Variants in LIPM observed in about 807,000 individuals in gnomAD.
LIPM encodes the protein lipase member M.
LIPM carries 42 observed loss-of-function variants against 42.4 expected under a neutral mutation model. That is an observed-to-expected ratio of 0.99 (90% CI 0.77 to 1.28). The LOEUF (loss-of-function observed/expected upper bound fraction) is 1.28. Among genes scored for constraint, LIPM ranks in the 50% most tolerant of loss-of-function variants. The pLI is 0.00. For synonymous variants in LIPM, 177 were observed against 173.3 expected, an observed-to-expected ratio of 1.02 and a Z score of -0.17; for missense variants, 524 against 520.1, an observed-to-expected ratio of 1.01 and a Z score of -0.07.
At chr10:88,804,675 A>G (rs1843565380) in intron 1 of LIPM, among the ~76,000 whole-genome samples, 1 of 152,208 alleles carries the variant, frequency 6.6e-6, no homozygotes, top group South Asian at 2.1e-4. Context: ...ATGACAGTTT[A>G]CAAATGTCAT....
At chr10:88,807,937 G>A (rs929373068) in intron 1 of LIPM, among the ~76,000 whole-genome samples, 1 of 152,168 alleles carries the variant, frequency 6.6e-6, no homozygotes, top group African/African-American at 2.4e-5. Flanking sequence ...AAACATTAGG[G>A]TACATCAAAA....
intron 2 of LIPM, 45 bp downstream of exon 2, chr10:88,808,460 A>G (rs1400929505): frequency 9.2e-7 from 1 of 1,092,174 alleles, no homozygotes. Flanking sequence ...TCTTCTCTGC[A>G]GTCACGATTT....
intron 8 of LIPM, among the ~76,000 whole-genome samples, chr10:88,818,561 G>A (rs974051632): frequency 6.6e-6 from 1 of 152,136 alleles, no homozygotes; most frequent in African/African-American, 2.4e-5. Flanking sequence ...GAATTGCACA[G>A]GTATGCCCTT....
intron 2 of LIPM, among the ~76,000 whole-genome samples, chr10:88,812,815 C>G (rs1589315168): frequency 1.3e-5 from 2 of 152,188 alleles, no homozygotes; most frequent in Non-Finnish European, 2.9e-5. Flanking sequence ...TTACACAAAA[C>G]AAAGAACAGA....
intron 1 of LIPM, among the ~76,000 whole-genome samples, chr10:88,805,524 T>C (rs928065839): frequency 6.6e-6 from 1 of 152,200 alleles, no homozygotes; most frequent in Non-Finnish European, 1.5e-5. Context: ...AAGAAGGCAA[T>C]AGTCACCAAT....
In LIPM at chr10:88,802,928, T is replaced by C. The variant is rs369329921; in HGVS notation, c.32T>C (p.Val11Ala). 4.5e-6 allele frequency: 7 copies of C among 1,550,994 alleles called. No homozygotes were observed. In the African/African-American group the frequency reaches 9.6e-5, roughly 21 times the overall value. ...GAAACCTTGTCAAGACAGTGGATTG[T>C]CTCACACAGAATGGAAATGTGGCTT... MLETLSRQWI[V>A]SHRMEMWLLI... The change falls in exon 1 of 9, where the codon GTC (valine) becomes GCC (alanine). Residue 11 changes from valine (V) to alanine (A), a missense_variant. Val to Ala is a moderately conservative substitution (Grantham distance 64, BLOSUM62 0). Coordinates refer to ENST00000404743, the MANE Select transcript of LIPM (RefSeq NM_001128215.1).
chr10:88,813,588 C>T (rs748314599), intron 3 of LIPM, among the ~76,000 whole-genome samples: 6 of 131,122 alleles, frequency 4.6e-5, no homozygotes, highest in East Asian at 2.3e-4. Context: ...TGGGGAGGGG[C>T]GGGTAATAGT....
chr10:88,815,120 G>T lies in LIPM; in HGVS notation c.607G>T (p.Ala203Ser). 1 of 1,550,636 alleles carries T rather than the reference G, an allele frequency of 6.4e-7. No homozygotes were observed. The highest frequency in any genetic ancestry group is 8.7e-7 in the Non-Finnish European group (1 of 1,146,668). The change falls in exon 5 of 9, where the codon GCT (alanine) becomes TCT (serine). Residue 203 changes from alanine (A) to serine (S), a missense_variant. Coordinates refer to ENST00000404743, the MANE Select transcript of LIPM (RefSeq NM_001128215.1). ...TGCATTTTCCACCATGCCAGAGCTG[G>T]CTCAGAAAATCAAAATGTATTTTGC... ...FIAFSTMPEL[A>S]QKIKMYFALA...
Position 88,817,864 on chromosome 10 carries a change from A to T in LIPM, c.970A>T (p.Ser324Cys). The T allele has an allele frequency of 6.4e-7, 1 of 1,551,364 alleles. No individual in the cohort carries two copies. Among genetic ancestry groups the T allele is most frequent in the Non-Finnish European group, 8.7e-7 (1 of 1,146,790 alleles). The change falls in exon 8 of 9, where the codon AGT becomes TGT. Residue 324 changes from serine (S) to cysteine (C), a missense_variant. Physicochemically the swap from Ser to Cys is moderately radical, Grantham distance 112 (BLOSUM62 -1). Transcript: ENST00000404743. ...SGELRAFDWGSETKNLEKCNQ... is the reference protein window; with the variant it reads ...SGELRAFDWGCETKNLEKCNQ... ...TGAACTCCGGGCATTTGACTGGGGG[A>T]GTGAGACCAAAAATCTGGAAAAATG...
intron 6 of LIPM, 117 bp from the exon 7 acceptor site, chr10:88,816,699 C>A: frequency 1.5e-6 from 1 of 658,148 alleles, no homozygotes. Flanking sequence ...TAGATAATTG[C>A]TGATAACTTA....
At chr10:88,816,719 C>T in intron 6 of LIPM, 97 bp from the exon 7 acceptor site, 1 of 735,466 alleles carries the variant, frequency 1.4e-6, no homozygotes, top group Non-Finnish European at 2.4e-6. Context: ...AATAATGTTA[C>T]CATTTCTTAG....
intron 3 of LIPM, 126 bp downstream of exon 3, chr10:88,813,421 C>T: frequency 1.4e-6 from 1 of 725,566 alleles, no homozygotes; most frequent in African/African-American, 1.8e-5. Flanking sequence ...AACATGATAT[C>T]CCCCAGTTTT....
At chr10:88,818,578 A>G (rs1421647340) in intron 8 of LIPM, among the ~76,000 whole-genome samples, 2 of 152,264 alleles carry the variant, frequency 1.3e-5, no homozygotes, top group African/African-American at 4.8e-5. Context: ...CCTTTAGAAC[A>G]TAAAATCTTC....
intron 1 of LIPM, among the ~76,000 whole-genome samples, chr10:88,805,353 G>C (rs552155732): frequency 6.6e-6 from 1 of 152,200 alleles, no homozygotes; most frequent in South Asian, 2.1e-4. Context: ...TGAGAGGGTG[G>C]TAGCAAAAAG....
At chr10:88,819,458 G>C (rs1843760267) in intron 8 of LIPM, among the ~76,000 whole-genome samples, 1 of 152,164 alleles carries the variant, frequency 6.6e-6, no homozygotes, top group African/African-American at 2.4e-5. Flanking sequence ...AGAAACCAGA[G>C]CATCTAGGAT....
rs779151129 is a variant in LIPM at position 88,813,269 on chromosome 10, A to T, written c.438A>T (p.Ile146=). 1.2e-6 allele frequency: 2 copies of T among 1,609,874 alleles called. No individual in the cohort carries two copies. Among genetic ancestry groups the T allele is most frequent in the African/African-American group, 1.3e-5 (1 of 74,764 alleles). Residue 146 remains isoleucine (I), a synonymous_variant, in exon 3 of 9, where the codon ATA becomes ATT. Coordinates refer to ENST00000404743, the MANE Select transcript of LIPM (RefSeq NM_001128215.1). ...AWSRKHKTLS[I]DQDEFWAFSY... is the part of the protein sequence containing the mutation. ...CTCGAAAACACAAGACACTCTCCAT[A>T]GACCAAGATGAGTTCTGGGCTTTCA...
chr10:88,810,155 A>C (rs1564596228), intron 2 of LIPM, among the ~76,000 whole-genome samples: 1 of 152,190 alleles, frequency 6.6e-6, no homozygotes, highest in South Asian at 2.1e-4. Context: ...CCAGTAACTA[A>C]ATGAGTGCTG....
intron 1 of LIPM, among the ~76,000 whole-genome samples, chr10:88,805,615 G>A (rs560131372): frequency 6.6e-6 from 1 of 152,266 alleles, no homozygotes; most frequent in African/African-American, 2.4e-5. Flanking sequence ...AAGAAGAAAT[G>A]TCATGCACAA....
At chr10:88,808,644 C>A (rs557133633) in intron 2 of LIPM, among the ~76,000 whole-genome samples, 1 of 152,294 alleles carries the variant, frequency 6.6e-6, no homozygotes, top group African/African-American at 2.4e-5. Context: ...TCAAAACACT[C>A]CTTCAAGAAA....
Sources: allele counts gnomAD v4.1 joint callset (sites outside exome capture counted in the v4.1 genomes callset), GRCh38; gene constraint gnomAD v4.1.1; transcripts MANE v1.5; gene names NCBI Gene and HGNC (gene_info 2026-07-23, HGNC 2026-07-21).